KCNC2: variants seen among roughly 807,000 people sequenced by gnomAD.
KCNC2 encodes the protein voltage-gated potassium channel KCNC2.
Under a neutral mutation model 44.5 loss-of-function variants are expected in KCNC2, and 21 were observed. The ratio of observed to expected loss-of-function variants is 0.47; its 90% confidence interval spans 0.33 to 0.68. The LOEUF (loss-of-function observed/expected upper bound fraction) is 0.68, where lower values mean the gene tolerates loss of function less well. KCNC2 is among the 30% of genes least tolerant of loss of function. The pLI is 0.01. For missense variants in KCNC2, 589 were observed against 826.2 expected, an observed-to-expected ratio of 0.71 and a Z score of 3.52; for synonymous variants, 391 against 339.1, an observed-to-expected ratio of 1.15 and a Z score of -1.68.
chr12:75,070,058 A>G (rs1185539549), intron 2 of KCNC2, among the ~76,000 whole-genome samples: 2 of 152,228 alleles, frequency 1.3e-5, no homozygotes, highest in Non-Finnish European at 2.9e-5. Context: ...GTTAACAATC[A>G]TCAGCTAAGC....
At chr12:75,138,661 T>C (rs1205349940) in intron 2 of KCNC2, among the ~76,000 whole-genome samples, 4 of 151,998 alleles carry the variant, frequency 2.6e-5, no homozygotes, top group Non-Finnish European at 4.4e-5. Flanking sequence ...CAGAAGAGGT[T>C]GTCAAAGATG....
intron 4 of KCNC2, among the ~76,000 whole-genome samples, chr12:75,046,472 A>T (rs1385741328): frequency 6.6e-6 from 1 of 151,792 alleles, no homozygotes; most frequent in African/African-American, 2.4e-5. Context: ...CTTAGTATAA[A>T]TATTACATGT....
intron 2 of KCNC2, among the ~76,000 whole-genome samples, chr12:75,174,906 A>G (rs1416623572): frequency 6.6e-6 from 1 of 152,010 alleles, no homozygotes; most frequent in Non-Finnish European, 1.5e-5. Flanking sequence ...GGATAGCAAA[A>G]AACAAAAAGG....
At chr12:75,177,664 A>G (rs1261352617) in intron 2 of KCNC2, among the ~76,000 whole-genome samples, 1 of 152,042 alleles carries the variant, frequency 6.6e-6, no homozygotes, top group East Asian at 1.9e-4. Context: ...ATAATATCAT[A>G]CACAGAAAGA....
intron 2 of KCNC2, among the ~76,000 whole-genome samples, chr12:75,107,685 G>C (rs181377428): frequency 1.5e-3 from 228 of 147,486 alleles, no homozygotes; most frequent in Non-Finnish European, 2.6e-3. Context: ...CGTCAAAAGA[G>C]TAAAAGGAAT....
Position 75,148,457 on chromosome 12 carries a change from A to G in KCNC2, c.687+58840T>C, listed in dbSNP as rs1197797328. Among the ~76,000 whole-genome samples, 4 of 152,136 alleles carry G rather than the reference A, an allele frequency of 2.6e-5. No homozygotes were observed. In the South Asian group the frequency reaches 6.2e-4, roughly 24 times the overall value. On this transcript the variant is annotated intron_variant, in intron 2 of 4. Transcript: ENST00000549446. ...GCCTGCCCCTAGCTGTATAAATGAT[A>G]AACTGGAAATATTTGTTTTCTTTTG... is the stretch of plus-strand genomic sequence containing the variant.
intron 2 of KCNC2, among the ~76,000 whole-genome samples, chr12:75,194,240 C>T (rs939018865): frequency 6.6e-6 from 1 of 151,948 alleles, no homozygotes; most frequent in Non-Finnish European, 1.5e-5. Flanking sequence ...GGCCATAATC[C>T]AATTGACTAT....
At chr12:75,074,250 T>C (rs928190142) in intron 2 of KCNC2, among the ~76,000 whole-genome samples, 34 of 150,090 alleles carry the variant, frequency 2.3e-4, no homozygotes, top group Admixed American at 6.7e-4. Context: ...TTTTTTTTTT[T>C]TTTTTGGCCA....
At chr12:75,184,042 C>T (rs1245110899) in intron 2 of KCNC2, among the ~76,000 whole-genome samples, 1 of 152,144 alleles carries the variant, frequency 6.6e-6, no homozygotes, top group Non-Finnish European at 1.5e-5. Context: ...CATCCTATTC[C>T]CTACTGTTTC....
At chr12:75,068,669 A>T (rs1883079419) in intron 2 of KCNC2, among the ~76,000 whole-genome samples, 1 of 152,178 alleles carries the variant, frequency 6.6e-6, no homozygotes, top group Non-Finnish European at 1.5e-5. Flanking sequence ...AAGGGATTTG[A>T]GGAGTTGATT....
intron 2 of KCNC2, among the ~76,000 whole-genome samples, chr12:75,124,653 T>A (rs1343901026): frequency 1.3e-5 from 2 of 152,190 alleles, no homozygotes; most frequent in Non-Finnish European, 2.9e-5. Flanking sequence ...ACCAGACTCA[T>A]AAAATTTAAA....
rs139064947 is a variant in KCNC2 at position 75,140,708 on chromosome 12, GA to G, written c.687+66588del. Among the ~76,000 whole-genome samples, 55 of 149,200 alleles carry G rather than the reference GA, an allele frequency of 3.7e-4. No homozygotes were observed. In the Middle Eastern group the frequency reaches 0.011, roughly 29 times the overall value. On this transcript the variant is annotated intron_variant, in intron 2 of 4. Transcript: ENST00000549446. ...TATCTGATATATAATGACCAAAAAA[GA>G]AAAAAAAAGTGAAGAATAATCATAG...
intron 4 of KCNC2, among the ~76,000 whole-genome samples, chr12:75,045,375 T>C (rs1880370202): frequency 6.6e-6 from 1 of 151,992 alleles, no homozygotes; most frequent in South Asian, 2.1e-4. Context: ...ATTCTGTTTA[T>C]GGGTCCTATA....
intron 2 of KCNC2, among the ~76,000 whole-genome samples, chr12:75,193,618 G>A (rs2030501915): frequency 6.6e-6 from 1 of 152,046 alleles, no homozygotes; most frequent in Non-Finnish European, 1.5e-5. Flanking sequence ...CAAAATCTAA[G>A]GTACCTTCAT....
chr12:75,137,265 C>T (rs769638239), intron 2 of KCNC2, among the ~76,000 whole-genome samples: 3 of 152,136 alleles, frequency 2.0e-5, no homozygotes, highest in Non-Finnish European at 2.9e-5. Context: ...ATCCTCAGCT[C>T]TTTTTTCTTT....
rs1881801535 is a variant in KCNC2, at chr12:75,056,880, C to A, written c.688-5563G>T. On this transcript the variant is annotated intron_variant, in intron 2 of 4. Transcript: ENST00000549446. Reference sequence around the variant, plus strand: ...CAAATGACTGCAGAACAACAATATGCAGAATGTAATCTCATTTTTTCTCAT... The same window carrying A: ...CAAATGACTGCAGAACAACAATATGAAGAATGTAATCTCATTTTTTCTCAT... Among the ~76,000 whole-genome samples, 5 of 151,906 alleles carry A rather than the reference C, an allele frequency of 3.3e-5. No individual in the cohort carries two copies. In the South Asian group the frequency reaches 1.0e-3, roughly 31 times the overall value.
At chr12:75,126,859 T>C (rs955883768) in intron 2 of KCNC2, among the ~76,000 whole-genome samples, 1 of 152,084 alleles carries the variant, frequency 6.6e-6, no homozygotes, top group African/African-American at 2.4e-5. Context: ...AGGAAGGACT[T>C]CCTAGGGTTC....
intron 4 of KCNC2, among the ~76,000 whole-genome samples, chr12:75,046,380 C>T (rs576425543): frequency 3.3e-5 from 5 of 151,598 alleles, no homozygotes; most frequent in Non-Finnish European, 5.9e-5. Flanking sequence ...TTTTCTCATT[C>T]GTGATTTTCT....
intron 2 of KCNC2, among the ~76,000 whole-genome samples, chr12:75,140,690 T>C (rs1287247850): frequency 1.3e-5 from 2 of 151,518 alleles, no homozygotes; most frequent in East Asian, 3.9e-4. Flanking sequence ...GAATATCTGA[T>C]ATATAATGAC....
Sources: gnomAD v4.1 joint callset for allele counts (sites outside exome capture counted in the v4.1 genomes callset) on GRCh38, gnomAD v4.1.1 for gene constraint, MANE v1.5 for transcripts, NCBI Gene and HGNC (gene_info 2026-07-23, HGNC 2026-07-21) for gene names.